TAFA1: variants seen among roughly 807,000 people sequenced by gnomAD.
TAFA1 encodes TAFA chemokine like family member 1, also known as chemokine-like protein TAFA-1.
A neutral mutation model predicts 18.5 loss-of-function variants in TAFA1; 4 were observed. The observed-to-expected ratio is 0.22, with a 90% CI of 0.11 to 0.49. The LOEUF (loss-of-function observed/expected upper bound fraction) is 0.49, where lower values mean the gene tolerates loss of function less well. TAFA1 is among the 20% of genes least tolerant of loss of function. The pLI, the probability that TAFA1 is intolerant of heterozygous loss-of-function variation, is 0.98. For missense variants in TAFA1, 147 were observed against 169.0 expected (o/e 0.87, Z 0.72); for synonymous variants, 56 against 55.2 (o/e 1.01, Z -0.06).
chr3:68,390,253 G>C (rs1291897576), intron 2 of TAFA1, among the ~76,000 whole-genome samples: 1 of 152,052 alleles, frequency 6.6e-6, no homozygotes, highest in Non-Finnish European at 1.5e-5. Context: ...TTCAGACTGG[G>C]CAGAGCTCAC....
chr3:68,218,662 C>A (rs2066692058), intron 2 of TAFA1, among the ~76,000 whole-genome samples: 1 of 152,036 alleles, frequency 6.6e-6, no homozygotes, highest in South Asian at 2.1e-4. Flanking sequence ...CTCTGGAATG[C>A]CGGAAAACAA....
At chr3:68,145,634 CT>C in intron 2 of TAFA1, 1 of 1,242,430 alleles carries the variant, frequency 8.0e-7, no homozygotes, top group Non-Finnish European at 1.2e-6. Flanking sequence ...TGAAGACTGA[CT>C]TATCACTCTG....
intron 2 of TAFA1, among the ~76,000 whole-genome samples, chr3:68,101,057 A>G (rs182353482): frequency 9.4e-4 from 143 of 152,258 alleles, no homozygotes; most frequent in Non-Finnish European, 1.6e-3. Context: ...GGTTTGTTAC[A>G]TAGGTAAACT....
chr3:68,281,579 C>T (rs1185953852), intron 2 of TAFA1, among the ~76,000 whole-genome samples: 1 of 151,042 alleles, frequency 6.6e-6, no homozygotes, highest in African/African-American at 2.4e-5. Flanking sequence ...AAGTGATTCT[C>T]CTGCTTCAGC....
chr3:67,996,691 C>G, the TAFA1 span, among the ~76,000 whole-genome samples: 35 of 151,986 alleles, frequency 2.3e-4, no homozygotes, highest in Non-Finnish European at 4.6e-4. Flanking sequence ...CCCAGCTATT[C>G]AGGAGGCTGA....
intron 2 of TAFA1, among the ~76,000 whole-genome samples, chr3:68,220,322 T>A (rs77479159): frequency 6.6e-6 from 1 of 152,042 alleles, no homozygotes; most frequent in Non-Finnish European, 1.5e-5. Flanking sequence ...GGAACTTAGA[T>A]GAGAAAGTGA....
At chr3:68,361,931 A>G (rs17047572) in intron 2 of TAFA1, among the ~76,000 whole-genome samples, 2,515 of 152,214 alleles carry the variant, frequency 0.017, 71 homozygotes, top group African/African-American at 0.058. Flanking sequence ...AAAATCAATG[A>G]TCTTTTTACT....
At chr3:68,519,424 G>A (rs924281960) in intron 3 of TAFA1, among the ~76,000 whole-genome samples, 4 of 152,140 alleles carry the variant, frequency 2.6e-5, no homozygotes, top group Admixed American at 6.5e-5. Flanking sequence ...ATATTATTTT[G>A]TTATAATATC....
intron 2 of TAFA1, among the ~76,000 whole-genome samples, chr3:68,366,129 T>G (rs2069569519): frequency 6.6e-6 from 1 of 150,470 alleles, no homozygotes; most frequent in South Asian, 2.1e-4. Context: ...TCGTGAGACT[T>G]ATTCACTACC....
chr3:68,475,339 G>A (rs975818084), intron 3 of TAFA1, among the ~76,000 whole-genome samples: 1 of 150,514 alleles, frequency 6.6e-6, no homozygotes, highest in African/African-American at 2.5e-5. Context: ...TCCCCTGTGT[G>A]TGATGTTCCC....
chr3:68,265,214 G>C (rs1373798174), intron 2 of TAFA1, among the ~76,000 whole-genome samples: 2 of 152,098 alleles, frequency 1.3e-5, no homozygotes, highest in East Asian at 3.9e-4. Flanking sequence ...CTTAGATCTT[G>C]ATCTCCTGTT....
chr3:68,183,011 A>G (rs2066223291), intron 2 of TAFA1, among the ~76,000 whole-genome samples: 1 of 152,142 alleles, frequency 6.6e-6, no homozygotes, highest in African/African-American at 2.4e-5. Flanking sequence ...GGTTCAACCA[A>G]CCCTCCCAAA....
In TAFA1 at chr3:68,452,196, A is replaced by T. The variant is rs1004809568; in HGVS notation, c.259+34776A>T. On this transcript the variant is annotated intron_variant, in intron 3 of 4. Coordinates refer to ENST00000478136, the MANE Select transcript of TAFA1 (RefSeq NM_213609.4). ...CTAAAAGGAGAATTTAGTTTTAAGGAGCCACATTGCTTTCTTATGCACTGT... is the reference window on the plus strand; with the variant it reads ...CTAAAAGGAGAATTTAGTTTTAAGGTGCCACATTGCTTTCTTATGCACTGT... Among the ~76,000 whole-genome samples, 7 of 152,138 alleles carry T rather than the reference A, an allele frequency of 4.6e-5. No individual in the cohort carries two copies. In the South Asian group the frequency reaches 1.2e-3, roughly 27 times the overall value.
intron 2 of TAFA1, among the ~76,000 whole-genome samples, chr3:68,339,083 C>T (rs754765262): frequency 3.9e-5 from 6 of 152,182 alleles, no homozygotes; most frequent in African/African-American, 2.4e-5. Flanking sequence ...TAAAGCAAGT[C>T]GCATGGCCAA....
chr3:68,197,485 C>G lies in TAFA1; in HGVS notation c.118+190741C>G, dbSNP rs186762089. 9.9e-5 allele frequency among the ~76,000 whole-genome samples: 15 copies of G among 151,644 alleles called. No individual in the cohort carries two copies. In the South Asian group the frequency reaches 2.5e-3, roughly 25 times the overall value. On this transcript the variant is annotated intron_variant, in intron 2 of 4. Transcript: ENST00000478136. ...TCGGGAAATGCAATGAAAATTCCACCAGGCAACATTCAGAATTCAGGACCA... is the reference window on the plus strand; with the variant it reads ...TCGGGAAATGCAATGAAAATTCCACGAGGCAACATTCAGAATTCAGGACCA...
At chr3:68,256,385 G>A (rs1380296457) in intron 2 of TAFA1, among the ~76,000 whole-genome samples, 1 of 152,150 alleles carries the variant, frequency 6.6e-6, no homozygotes, top group African/African-American at 2.4e-5. Flanking sequence ...TAGACTGGCT[G>A]GGAGACCAAG....
At chr3:68,277,854 C>T (rs527448228) in intron 2 of TAFA1, among the ~76,000 whole-genome samples, 52 of 152,238 alleles carry the variant, frequency 3.4e-4, no homozygotes, top group Non-Finnish European at 6.0e-4. Flanking sequence ...AACAATATAT[C>T]GTGACAACTT....
chr3:68,417,678 A>T, intron 3 of TAFA1: 1 of 434,482 alleles, frequency 2.3e-6, no homozygotes, highest in Non-Finnish European at 4.1e-6. Context: ...TTGAGAGGTG[A>T]CTGGGCTGTG....
intron 2 of TAFA1, among the ~76,000 whole-genome samples, chr3:68,411,055 G>C (rs920815808): frequency 6.6e-6 from 1 of 152,142 alleles, no homozygotes; most frequent in East Asian, 1.9e-4. Context: ...GGAACATTTT[G>C]GTTTCCTTTC....
Sources: allele counts gnomAD v4.1 joint callset (sites outside exome capture counted in the v4.1 genomes callset), GRCh38; gene constraint gnomAD v4.1.1; transcripts MANE v1.5; gene names NCBI Gene and HGNC (gene_info 2026-07-23, HGNC 2026-07-21).